CCSAP: variants seen among roughly 807,000 people sequenced by gnomAD.
CCSAP encodes centriole, cilia and spindle-associated protein.
Under a neutral mutation model 25.9 loss-of-function variants are expected in CCSAP, and 17 were observed. The observed-to-expected ratio is 0.66, with a 90% CI of 0.45 to 0.99. The LOEUF is 0.99. Among genes scored for constraint, CCSAP ranks in the 50% least tolerant of loss-of-function variants. CCSAP has a pLI of 0.00. For missense variants in CCSAP, 339 were observed against 367.8 expected, an observed-to-expected ratio of 0.92 and a Z score of 0.64; for synonymous variants, 169 against 157.1, an observed-to-expected ratio of 1.08 and a Z score of -0.57.
chr1:229,339,079 G>GA (rs1386793548), intron 2 of CCSAP, among the ~76,000 whole-genome samples: 13 of 97,298 alleles, frequency 1.3e-4, no homozygotes, highest in East Asian at 1.1e-3. Flanking sequence ...AAGGACTTCA[G>GA]AAAAAAAAGA....
intron 2 of CCSAP, 162 bp from the exon 3 acceptor site, chr1:229,327,168 A>G: frequency 1.7e-6 from 1 of 596,894 alleles, no homozygotes; most frequent in Non-Finnish European, 2.7e-6. Context: ...ACAAGTTAGC[A>G]TAATTTTCAA....
chr1:229,341,920 A>G (rs1658341541), intron 2 of CCSAP, among the ~76,000 whole-genome samples, 179 bp downstream of exon 2: 1 of 151,834 alleles, frequency 6.6e-6, no homozygotes, highest in Non-Finnish European at 1.5e-5. Flanking sequence ...AAGGAAATAA[A>G]GGGTGGCAAA....
chr1:229,334,661 A>T (rs943322875), intron 2 of CCSAP, among the ~76,000 whole-genome samples: 1 of 152,300 alleles, frequency 6.6e-6, no homozygotes, highest in Admixed American at 6.5e-5. Context: ...AACTAAACAA[A>T]TTCACAAACC....
intron 2 of CCSAP, among the ~76,000 whole-genome samples, chr1:229,339,856 A>G (rs1456640769): frequency 6.6e-6 from 1 of 152,194 alleles, no homozygotes; most frequent in African/African-American, 2.4e-5. Flanking sequence ...AACAAACTCT[A>G]TGAGGACTGT....
Position 229,321,023 on chromosome 1 carries a change from ATTAAC to A in CCSAP, c.*4207_*4211del, listed in dbSNP as rs1657806630. The A allele has an allele frequency of 6.6e-6, 1 of 152,210 alleles. No individual in the cohort carries two copies. Among genetic ancestry groups the A allele is most frequent in the East Asian group, 1.9e-4 (1 of 5,202 alleles). 9.4% of individuals were successfully genotyped at this position (152,210 alleles called of 1,614,324 possible). On this transcript the variant is annotated 3_prime_UTR_variant, in exon 4 of 4. Coordinates refer to ENST00000284617, the MANE Select transcript of CCSAP (RefSeq NM_145257.5). ...AAAAGAGTCTCAGCTTGTAATGTTA[ATTAAC>A]TTTATTCACATTTTTCCAAGTAAAT... is the stretch of plus-strand genomic sequence containing the variant.
intron 2 of CCSAP, among the ~76,000 whole-genome samples, chr1:229,331,919 G>T (rs1259931331): frequency 6.6e-6 from 1 of 151,740 alleles, no homozygotes; most frequent in African/African-American, 2.4e-5. Context: ...GAATAGCTGG[G>T]ATTACAGGTG....
Position 229,323,180 on chromosome 1 carries a change from A to G in CCSAP, c.*2055T>C, listed in dbSNP as rs1248205001. 6.6e-6 allele frequency: 1 copy of G among 152,256 alleles called. No homozygotes were observed. Among genetic ancestry groups the G allele is most frequent in the Non-Finnish European group, 1.5e-5 (1 of 68,034 alleles). 9.4% of individuals were successfully genotyped at this position (152,256 alleles called of 1,614,324 possible). On this transcript the variant is annotated 3_prime_UTR_variant, in exon 4 of 4. Coordinates refer to ENST00000284617, the MANE Select transcript of CCSAP (RefSeq NM_145257.5). ...CATGCACTTTAAAAGCACTTTAAAAATCCCGTTCATTTGTCTTCCACTTAA... is the reference window on the plus strand; with the variant it reads ...CATGCACTTTAAAAGCACTTTAAAAGTCCCGTTCATTTGTCTTCCACTTAA...
rs11328051 is a variant in CCSAP at position 229,339,095 on chromosome 1, G to GAA, written c.367+3002_367+3003dup. On this transcript the variant is annotated intron_variant, in intron 2 of 3. Coordinates refer to ENST00000284617, the MANE Select transcript of CCSAP (RefSeq NM_145257.5). ...AGGACTTCAGAAAAAAAAGAAATGG[G>GAA]AAAAAAAAAAAAAACAGAAATAAGA... Among the ~76,000 whole-genome samples, 185 of 134,744 alleles carry GAA rather than the reference G, an allele frequency of 1.4e-3. 1 individual carries two copies. The highest frequency in any genetic ancestry group is 2.1e-3 in the Non-Finnish European group (132 of 62,632). The allele number at this position is 134,744 out of a possible 152,430, so 88.4% of individuals were successfully genotyped here.
rs2102688851 is a variant in CCSAP at position 229,322,084 on chromosome 1, A to G, written c.*3151T>C. 1 of 152,344 alleles carries G rather than the reference A, an allele frequency of 6.6e-6. No homozygotes were observed. Among genetic ancestry groups the G allele is most frequent in the African/African-American group, 2.4e-5 (1 of 41,592 alleles). The allele number at this position is 152,344 out of a possible 1,614,324, so 9.4% of individuals were successfully genotyped here. A position where few individuals can be genotyped will look rare whatever the true frequency, so the allele number is the denominator to read the frequency against. On this transcript the variant is annotated 3_prime_UTR_variant, in exon 4 of 4. Coordinates refer to ENST00000284617, the MANE Select transcript of CCSAP (RefSeq NM_145257.5). ...AGTATCCATGGAGTTTGGCATCCTA[A>G]GGGAGGCCTGGAACCAATGCCCCAT...
In CCSAP at chr1:229,324,698, A is replaced by G. The variant is rs905710766; in HGVS notation, c.*537T>C. ...AAGTTAAAAATTTTCAGGAACTAGCAAAGTTCTACTTTCATTATACATGGA... is the reference window on the plus strand; with the variant it reads ...AAGTTAAAAATTTTCAGGAACTAGCGAAGTTCTACTTTCATTATACATGGA... On this transcript the variant is annotated 3_prime_UTR_variant, in exon 4 of 4. Coordinates refer to ENST00000284617, the MANE Select transcript of CCSAP (RefSeq NM_145257.5). 6.6e-6 allele frequency: 1 copy of G among 152,588 alleles called. No homozygotes were observed. Among genetic ancestry groups the G allele is most frequent in the African/African-American group, 2.4e-5 (1 of 41,464 alleles). 9.5% of individuals were successfully genotyped at this position (152,588 alleles called of 1,614,324 possible). A position where few individuals can be genotyped will look rare whatever the true frequency, so the allele number is the denominator to read the frequency against.
chr1:229,332,143 T>C (rs1198469128), intron 2 of CCSAP, among the ~76,000 whole-genome samples: 3 of 152,136 alleles, frequency 2.0e-5, no homozygotes, highest in Non-Finnish European at 4.4e-5. Flanking sequence ...GCGCCCGGCC[T>C]CTAGTATCCT....
intron 2 of CCSAP, among the ~76,000 whole-genome samples, chr1:229,336,133 G>A (rs557012543): frequency 4.8e-5 from 7 of 147,304 alleles, no homozygotes; most frequent in Non-Finnish European, 1.0e-4. Flanking sequence ...ATCCATGGGG[G>A]TATCTCGGAT....
Position 229,342,062 on chromosome 1 carries a change from C to T in CCSAP, c.367+37G>A. ...CAGAGCTTAGAGCAAACCGTCCCTG[C>T]GTGCAGGCCCCTCGCGCTCCCCTCC... is the stretch of plus-strand genomic sequence containing the variant. On this transcript the variant is annotated intron_variant, in intron 2 of 3. Coordinates refer to ENST00000284617, the MANE Select transcript of CCSAP (RefSeq NM_145257.5). The surrounding 1 kb of genome is among the most constrained non-coding windows in gnomAD (Gnocchi z 7.5). 7.7e-7 allele frequency: 1 copy of T among 1,306,142 alleles called. No individual in the cohort carries two copies. Among genetic ancestry groups the T allele is most frequent in the Non-Finnish European group, 9.7e-7 (1 of 1,028,632 alleles). 80.9% of individuals were successfully genotyped at this position (1,306,142 alleles called of 1,614,324 possible).
At chr1:229,333,852 G>C (rs1658137712) in intron 2 of CCSAP, among the ~76,000 whole-genome samples, 1 of 152,114 alleles carries the variant, frequency 6.6e-6, no homozygotes, top group African/African-American at 2.4e-5. Context: ...CTGCACTCCA[G>C]CCTGAGTGAC....
intron 2 of CCSAP, among the ~76,000 whole-genome samples, chr1:229,334,377 A>T (rs932234751): frequency 6.6e-6 from 1 of 152,250 alleles, no homozygotes; most frequent in Non-Finnish European, 1.5e-5. Context: ...TATTTTAAAA[A>T]ATCATAATGA....
At chr1:229,338,874 T>A (rs563038944) in intron 2 of CCSAP, among the ~76,000 whole-genome samples, 2 of 151,814 alleles carry the variant, frequency 1.3e-5, no homozygotes, top group African/African-American at 4.8e-5. Context: ...AGGGAATAAA[T>A]GGCAGCCCAG....
rs1291181442 is a variant in CCSAP at position 229,322,932 on chromosome 1, T to C, written c.*2303A>G. On this transcript the variant is annotated 3_prime_UTR_variant, in exon 4 of 4. Transcript: ENST00000284617. ...AAAGGTAATTTTTAAACTGTCTCAC[T>C]GTCTTGCAGGTTGTCCCAAGAATTA... 3 of 152,250 alleles carry C rather than the reference T, an allele frequency of 2.0e-5. No homozygotes were observed. Among genetic ancestry groups the C allele is most frequent in the Non-Finnish European group, 4.4e-5 (3 of 68,038 alleles). The allele number at this position is 152,250 out of a possible 1,614,324, so 9.4% of individuals were successfully genotyped here. A position where few individuals can be genotyped will look rare whatever the true frequency, so the allele number is the denominator to read the frequency against.
intron 2 of CCSAP, among the ~76,000 whole-genome samples, chr1:229,331,699 AG>A (rs781024354): frequency 6.6e-6 from 1 of 152,028 alleles, no homozygotes; most frequent in Non-Finnish European, 1.5e-5. Flanking sequence ...AGGTTCCTGG[AG>A]GCCGGCGAGA....
chr1:229,332,691 C>T (rs780524993), intron 2 of CCSAP, among the ~76,000 whole-genome samples: 11 of 152,106 alleles, frequency 7.2e-5, no homozygotes, highest in Non-Finnish European at 1.3e-4. Flanking sequence ...CCATGAACCA[C>T]ACGTGGTTAC....
Sources: allele counts gnomAD v4.1 joint callset (sites outside exome capture counted in the v4.1 genomes callset), GRCh38; gene constraint gnomAD v4.1.1; non-coding constraint Gnocchi (gnomAD v3.1); transcripts MANE v1.5; gene names NCBI Gene and HGNC (gene_info 2026-07-23, HGNC 2026-07-21).